AKT1S1: variants seen among roughly 807,000 people sequenced by gnomAD.
AKT1S1 encodes AKT1 substrate 1, also known as proline-rich AKT1 substrate 1.
A neutral mutation model predicts 21.2 loss-of-function variants in AKT1S1; 17 were observed. The observed-to-expected ratio is 0.80, with a 90% confidence interval of 0.55 to 1.20. AKT1S1 has a LOEUF of 1.20. AKT1S1 is among the 50% of genes most tolerant of loss of function. The probability of loss-of-function intolerance (pLI) is 0.00; values close to 1 mark genes in which losing one functional copy is unlikely to be tolerated. For synonymous variants in AKT1S1, 181 were observed against 165.6 expected (o/e 1.09, Z -0.72); for missense variants, 366 against 368.3 (o/e 0.99, Z 0.05).
At chr19:49,877,966 GGAACGCACGTCAGCATCC>G (rs2074971947), upstream of AKT1S1, 1 of 717,378 alleles carries the variant, frequency 1.4e-6, no homozygotes, top group Non-Finnish European at 2.2e-6. Flanking sequence ...TGCCCCCTGT[GGAACGCACGTCAGCATCC>G]GAACGCGGGC....
chr19:49,876,630 G>T (rs2074949058), intron 1 of AKT1S1: 10 of 1,531,332 alleles, frequency 6.5e-6, no homozygotes, highest in East Asian at 2.5e-5. Context: ...GGCCGGCCCG[G>T]CGCCGTCACC....
At position 49,873,189 on chromosome 19, in the gene AKT1S1, G is replaced by A. The variant is rs892333877; in HGVS notation, c.107C>T (p.Pro36Leu). Residue 36 changes from proline (P) to leucine (L), a missense_variant, in exon 2 of 5, where the codon CCG (proline) becomes CTG (leucine). Pro to Leu is a moderately conservative substitution (Grantham distance 98). Coordinates refer to ENST00000344175, the MANE Select transcript of AKT1S1 (RefSeq NM_001098633.4). This position sits in a 1 kb window ranked among gnomAD's most constrained non-coding sequence, Gnocchi z 6.9. ...TELVLLTAAP[P>L]PPPRPGPCAY... ...ACAGGGGCCCGGGCGGGGTGGTGGCGGCGGGGCCGCGGTCAGCAGCACCAG... is the reference window on the plus strand; with the variant it reads ...ACAGGGGCCCGGGCGGGGTGGTGGCAGCGGGGCCGCGGTCAGCAGCACCAG... 3.9e-6 allele frequency: 6 copies of A among 1,530,054 alleles called. No homozygotes were observed. The highest frequency in any genetic ancestry group is 1.2e-5 in the South Asian group (1 of 83,640). 94.8% of individuals were successfully genotyped at this position (1,530,054 alleles called of 1,614,324 possible). A position where few individuals can be genotyped will look rare whatever the true frequency, so the allele number is the denominator to read the frequency against.
chr19:49,870,377 A>G (rs1187034481), intron 4 of AKT1S1, among the ~76,000 whole-genome samples: 1 of 152,178 alleles, frequency 6.6e-6, no homozygotes, highest in Non-Finnish European at 1.5e-5. Flanking sequence ...GCACCGTCTC[A>G]TGTCTGAGGA....
chr19:49,871,937 T>C, intron 2 of AKT1S1, 48 bp from the exon 3 acceptor site: 1 of 1,585,126 alleles, frequency 6.3e-7, no homozygotes, highest in Admixed American at 1.7e-5. Context: ...CACCTAGCCA[T>C]GCTCCATGTG....
At chr19:49,877,991 G>C (rs781406716), upstream of AKT1S1, 160 of 744,060 alleles carry the variant, frequency 2.2e-4, 1 homozygote, top group Middle Eastern at 6.5e-4. Flanking sequence ...ATCCGAACGC[G>C]GGCTGGACCA....
intron 4 of AKT1S1, 131 bp from the exon 5 acceptor site, chr19:49,870,191 G>A: frequency 2.7e-6 from 3 of 1,098,262 alleles, no homozygotes; most frequent in Middle Eastern, 3.3e-4. Flanking sequence ...TGTGCCCTGC[G>A]ATGCCCACTG....
At position 49,873,688 on chromosome 19, in the gene AKT1S1, CT is replaced by C. The variant is rs2074911161; in HGVS notation, c.-7-387del. 4.5e-5 allele frequency: 9 copies of C among 200,566 alleles called. 1 individual carries two copies. In the South Asian group the frequency reaches 1.4e-3, roughly 31 times the overall value. 12.4% of individuals were successfully genotyped at this position (200,566 alleles called of 1,614,324 possible). ...TAAAACCTGCACTGGGTTCTGAAGA[CT>C]GAGTACAATAAAGCCGAACGAGCCG... On this transcript the variant is annotated intron_variant, in intron 1 of 4. Coordinates refer to ENST00000344175, the MANE Select transcript of AKT1S1 (RefSeq NM_001098633.4). This position sits in a 1 kb window ranked among gnomAD's most constrained non-coding sequence, Gnocchi z 6.9.
At chr19:49,877,984 C>T (rs975437304), upstream of AKT1S1, 5 of 738,984 alleles carry the variant, frequency 6.8e-6, no homozygotes, top group Non-Finnish European at 1.1e-5. Context: ...CGTCAGCATC[C>T]GAACGCGGGC....
chr19:49,872,790 G>T, intron 2 of AKT1S1, 127 bp downstream of exon 2: 1 of 1,161,572 alleles, frequency 8.6e-7, no homozygotes, highest in Non-Finnish European at 1.2e-6. Flanking sequence ...AAGCCTGTCT[G>T]GCTCTGGGGT....
chr19:49,878,218 G>T, upstream of AKT1S1: 1 of 1,561,204 alleles, frequency 6.4e-7, no homozygotes, highest in South Asian at 1.2e-5. Flanking sequence ...TCTCATCGCT[G>T]GTGTCATCCG....
intron 1 of AKT1S1, chr19:49,876,771 A>C: frequency 8.0e-7 from 1 of 1,248,114 alleles, no homozygotes; most frequent in South Asian, 1.8e-5. Context: ...CATCCGAACC[A>C]GTTGACAAGG....
In AKT1S1 at chr19:49,871,880, A is replaced by T. The variant is rs371913641; in HGVS notation, c.389T>A (p.Val130Glu). The change falls in exon 3 of 5, where the codon GTG (valine) becomes GAG (glutamate). Residue 130 changes from valine to glutamate, a missense_variant. Coordinates refer to ENST00000344175, the MANE Select transcript of AKT1S1 (RefSeq NM_001098633.4). ...CTGGAGGGTGGCGTCCTCATCCATC[A>T]CAAAGAGCCCTGTGGATGACCTGAG... ...LGISDNGGLF[V>E]MDEDATLQDL... 6.2e-7 allele frequency: 1 copy of T among 1,613,086 alleles called. No individual in the cohort carries two copies. The highest frequency in any genetic ancestry group is 1.3e-5 in the African/African-American group (1 of 74,798).
At chr19:49,876,268 A>T in intron 1 of AKT1S1, 2 of 1,150,592 alleles carry the variant, frequency 1.7e-6, no homozygotes, top group Non-Finnish European at 2.1e-6. Flanking sequence ...GACGGAGGCC[A>T]GGACCGGAAG....
upstream of AKT1S1, chr19:49,877,788 CG>C (rs763417900): frequency 1.4e-5 from 22 of 1,564,274 alleles, no homozygotes; most frequent in Middle Eastern, 3.3e-4. Flanking sequence ...GTATGCGAAA[CG>C]CCCCGTCTAG....
At chr19:49,871,459 A>G (rs565854892) in intron 4 of AKT1S1, 88 bp downstream of exon 4, 2 of 1,547,932 alleles carry the variant, frequency 1.3e-6, no homozygotes, top group Non-Finnish European at 8.9e-7. Flanking sequence ...ATGGGTGGAA[A>G]GCAGCATCCA....
In AKT1S1 at chr19:49,869,554, C is replaced by T. The variant is rs1483845774; in HGVS notation, c.*363G>A. 2.1e-5 allele frequency: 4 copies of T among 188,874 alleles called. No homozygotes were observed. The highest frequency in any genetic ancestry group is 4.7e-5 in the African/African-American group (2 of 42,846). The allele number at this position is 188,874 out of a possible 1,614,324, so 11.7% of individuals were successfully genotyped here. A position where few individuals can be genotyped will look rare whatever the true frequency, so the allele number is the denominator to read the frequency against. ...TTGAGCCAATCAAAAAAAGAGCTGT[C>T]CAGCGACTAGGGGATGGAGCCAATG... is the stretch of plus-strand genomic sequence containing the variant. On this transcript the variant is annotated 3_prime_UTR_variant, in exon 5 of 5. Transcript: ENST00000344175.
Position 49,869,753 on chromosome 19 carries a change from G to T in AKT1S1, c.*164C>A. ...CCGCTCCTCGGCGCGGCAGGTCGTG[G>T]GCTGGAAGGACGGCGGGGATTGGCA... On this transcript the variant is annotated 3_prime_UTR_variant, in exon 5 of 5. Coordinates refer to ENST00000344175, the MANE Select transcript of AKT1S1 (RefSeq NM_001098633.4). 1.2e-6 allele frequency: 1 copy of T among 831,812 alleles called. No individual in the cohort carries two copies. The highest frequency in any genetic ancestry group is 1.7e-6 in the Non-Finnish European group (1 of 583,380). 51.5% of individuals were successfully genotyped at this position (831,812 alleles called of 1,614,324 possible).
rs892068836 is a variant in AKT1S1 at position 49,869,580 on chromosome 19, C to T, written c.*337G>A. ...CAGCGACTAGGGGATGGAGCCAATG[C>T]CGTGCGAGCAAATCCCTTGTCGCTA... is the stretch of plus-strand genomic sequence containing the variant. On this transcript the variant is annotated 3_prime_UTR_variant, in exon 5 of 5. Coordinates refer to ENST00000344175, the MANE Select transcript of AKT1S1 (RefSeq NM_001098633.4). The T allele has an allele frequency of 3.5e-5, 8 of 226,888 alleles. No homozygotes were observed. The highest frequency in any genetic ancestry group is 6.0e-5 in the Non-Finnish European group (7 of 115,984). The allele number at this position is 226,888 out of a possible 1,614,324, so 14.1% of individuals were successfully genotyped here.
In AKT1S1 at chr19:49,876,518, G is replaced by C. The variant is rs1340377693; in HGVS notation, c.-8+719C>G. On this transcript the variant is annotated intron_variant, in intron 1 of 4. Coordinates refer to ENST00000344175, the MANE Select transcript of AKT1S1 (RefSeq NM_001098633.4). ...TCTGTGCAGGCCATACCCCTCCCGT[G>C]AGCCGCTCGCCCTCCCAGCGCCCCG... The C allele has an allele frequency of 3.5e-6, 5 of 1,443,030 alleles. No homozygotes were observed. The East Asian group carries it at 8.0e-5, about 23-fold the overall frequency. The allele number at this position is 1,443,030 out of a possible 1,614,324, so 89.4% of individuals were successfully genotyped here.
Sources: allele counts gnomAD v4.1 joint callset (sites outside exome capture counted in the v4.1 genomes callset), GRCh38; gene constraint gnomAD v4.1.1; non-coding constraint Gnocchi (gnomAD v3.1); transcripts MANE v1.5; gene names NCBI Gene and HGNC (gene_info 2026-07-23, HGNC 2026-07-21).